The following RUNDC3B variants were observed in gnomAD, a reference collection of about 807,000 sequenced individuals.
RUNDC3B encodes RUN domain containing 3B, also known as RUN domain-containing protein 3B.
In RUNDC3B, 33 loss-of-function variants were observed where a neutral mutation model predicts 58.4. The ratio of observed to expected loss-of-function variants is 0.56; its 90% CI spans 0.43 to 0.75. RUNDC3B has a LOEUF of 0.75. Among genes scored for constraint, RUNDC3B ranks in the 30% least tolerant of loss-of-function variants. The probability of loss-of-function intolerance (pLI) is 0.00; values close to 1 mark genes in which losing one functional copy is unlikely to be tolerated. For missense variants in RUNDC3B, 501 were observed against 535.7 expected (o/e 0.94, Z 0.64); for synonymous variants, 193 against 195.2 (o/e 0.99, Z 0.10).
At chr7:87,675,701 C>G (rs907354275) in intron 2 of RUNDC3B, among the ~76,000 whole-genome samples, 2 of 103,166 alleles carry the variant, frequency 1.9e-5, no homozygotes, top group Non-Finnish European at 4.2e-5. Flanking sequence ...AGAAAGAAAA[C>G]AAAGAAAGAG....
At chr7:87,726,745 GT>G (rs1278920481) in intron 4 of RUNDC3B, among the ~76,000 whole-genome samples, 2 of 152,168 alleles carry the variant, frequency 1.3e-5, no homozygotes, top group African/African-American at 4.8e-5. Flanking sequence ...TCTTCCATTT[GT>G]TTGTGTCCTC....
At chr7:87,655,035 A>G (rs1273609836) in intron 2 of RUNDC3B, among the ~76,000 whole-genome samples, 1 of 152,126 alleles carries the variant, frequency 6.6e-6, no homozygotes, top group South Asian at 2.1e-4. Flanking sequence ...GAAGGATAAC[A>G]AGTGCTGGAG....
chr7:87,724,027 G>A (rs1363409021), intron 4 of RUNDC3B, among the ~76,000 whole-genome samples: 2 of 152,134 alleles, frequency 1.3e-5, no homozygotes, highest in African/African-American at 2.4e-5. Context: ...TTGGAGACCA[G>A]CCTGGGCAAC....
At chr7:87,759,043 T>G (rs536489454) in intron 6 of RUNDC3B, among the ~76,000 whole-genome samples, 1 of 152,322 alleles carries the variant, frequency 6.6e-6, no homozygotes, top group African/African-American at 2.4e-5. Flanking sequence ...TCATCTTTAT[T>G]GCAGTACTAT....
chr7:87,676,225 T>TAAACAAAC (rs548602027), intron 2 of RUNDC3B, among the ~76,000 whole-genome samples: 36 of 152,086 alleles, frequency 2.4e-4, no homozygotes, highest in Non-Finnish European at 4.6e-4. Flanking sequence ...AGACCCTGTC[T>TAAACAAAC]AAACAAACAA....
chr7:87,741,508 A>T lies in RUNDC3B; in HGVS notation c.558A>T (p.Leu186=), dbSNP rs1243525302. The T allele has an allele frequency of 6.4e-7, 1 of 1,554,994 alleles. No individual in the cohort carries two copies. The highest frequency in any genetic ancestry group is 1.4e-5 in the African/African-American group (1 of 73,530). The change falls in exon 6 of 11, where the codon CTA becomes CTT. Residue 186 remains leucine, a synonymous_variant. Transcript: ENST00000394654. ...GLNAIDFSFC[L]KGEGLDGSFP... is the part of the protein sequence containing the mutation. ...TTTTCTATTGTCTTAGTTTCTGCCT[A>T]AAGGGAGAGGGGCTGGATGGCAGTT...
intron 2 of RUNDC3B, among the ~76,000 whole-genome samples, chr7:87,656,924 G>T (rs1238541951): frequency 6.6e-6 from 1 of 151,984 alleles, no homozygotes; most frequent in African/African-American, 2.4e-5. Flanking sequence ...TAGCACTGTT[G>T]TAAGTGCTGG....
intron 2 of RUNDC3B, among the ~76,000 whole-genome samples, chr7:87,695,443 T>G (rs1298041000): frequency 6.6e-6 from 1 of 152,096 alleles, no homozygotes; most frequent in African/African-American, 2.4e-5. Context: ...CACAAGTTTT[T>G]TAAAGGAACC....
intron 2 of RUNDC3B, among the ~76,000 whole-genome samples, chr7:87,698,378 G>A (rs1828694843): frequency 1.3e-5 from 2 of 152,186 alleles, no homozygotes; most frequent in Non-Finnish European, 2.9e-5. Context: ...ACAGGCGTGA[G>A]CCACCGCACC....
chr7:87,733,418 G>A (rs562251906), intron 4 of RUNDC3B, among the ~76,000 whole-genome samples: 1 of 152,248 alleles, frequency 6.6e-6, no homozygotes, highest in East Asian at 1.9e-4. Context: ...GGGTCTCCCT[G>A]CAAGTATGTA....
chr7:87,656,258 A>T (rs1289903518), intron 2 of RUNDC3B, among the ~76,000 whole-genome samples: 1 of 152,112 alleles, frequency 6.6e-6, no homozygotes, highest in Non-Finnish European at 1.5e-5. Flanking sequence ...CAATTTAAAA[A>T]TTTTTAAATA....
chr7:87,741,461 A>T, intron 5 of RUNDC3B, 38 bp from the exon 6 acceptor site: 1 of 1,085,766 alleles, frequency 9.2e-7, no homozygotes, highest in Non-Finnish European at 1.3e-6. Flanking sequence ...TTAAAATTTT[A>T]TATATTAATA....
rs77049124 is a variant in RUNDC3B at position 87,654,172 on chromosome 7, C to T, written c.238+3235C>T. On this transcript the variant is annotated intron_variant, in intron 2 of 10. Coordinates refer to ENST00000394654, the MANE Select transcript of RUNDC3B (RefSeq NM_001134405.2). ...TTAACAATCTACCCAACATAATCTA[C>T]AGGTTCACTGAAATCTCCACCAAAA... Among the ~76,000 whole-genome samples, 1,062 of 151,968 alleles carry T rather than the reference C, an allele frequency of 7.0e-3. 8 individuals carry two copies. The highest frequency in any genetic ancestry group is 0.049 in the East Asian group (253 of 5,170).
Position 87,710,673 on chromosome 7 carries a change from A to G in RUNDC3B, c.458+18A>G, listed in dbSNP as rs989533387. The G allele has an allele frequency of 4.5e-6, 6 of 1,332,782 alleles. No homozygotes were observed. The highest frequency in any genetic ancestry group is 1.3e-5 in the South Asian group (1 of 78,278). The allele number at this position is 1,332,782 out of a possible 1,614,324, so 82.6% of individuals were successfully genotyped here. ...ACAACCAGGTTTAAAAGTCCTTTTA[A>G]TTTTCTAATATATATTTGAAAGAAT... On this transcript the variant is annotated intron_variant, in intron 4 of 10. Coordinates refer to ENST00000394654, the MANE Select transcript of RUNDC3B (RefSeq NM_001134405.2).
chr7:87,713,592 G>A (rs1292900533), intron 4 of RUNDC3B, among the ~76,000 whole-genome samples: 1 of 148,850 alleles, frequency 6.7e-6, no homozygotes, highest in East Asian at 2.0e-4. Flanking sequence ...TTGAAAAATA[G>A]CCAGAGTTGA....
intron 1 of RUNDC3B, among the ~76,000 whole-genome samples, chr7:87,630,304 A>T (rs1306316337): frequency 2.6e-5 from 4 of 152,232 alleles, no homozygotes; most frequent in Admixed American, 2.6e-4. Context: ...TACTTGAATT[A>T]TTACAAATGT....
At chr7:87,715,417 ATATT>A (rs1392340575) in intron 4 of RUNDC3B, among the ~76,000 whole-genome samples, 1 of 129,124 alleles carries the variant, frequency 7.7e-6, no homozygotes, top group Non-Finnish European at 1.6e-5. Flanking sequence ...TTAATATAAT[ATATT>A]TAATATATAA....
chr7:87,702,165 A>AAAC (rs1829133393), intron 3 of RUNDC3B, among the ~76,000 whole-genome samples: 1 of 149,910 alleles, frequency 6.7e-6, no homozygotes, highest in African/African-American at 2.5e-5. Context: ...AAAAAAAAAA[A>AAAC]AAAAAAACAG....
intron 6 of RUNDC3B, among the ~76,000 whole-genome samples, chr7:87,765,867 A>G (rs1041412805): frequency 1.3e-5 from 2 of 151,926 alleles, no homozygotes; most frequent in African/African-American, 4.8e-5. Flanking sequence ...CTGCCTCAGT[A>G]ATCTGTCTAG....
Sources: gnomAD v4.1 joint callset for allele counts (sites outside exome capture counted in the v4.1 genomes callset) on GRCh38, gnomAD v4.1.1 for gene constraint, MANE v1.5 for transcripts, NCBI Gene and HGNC (gene_info 2026-07-23, HGNC 2026-07-21) for gene names.